SGK1: variants seen among roughly 807,000 people sequenced by gnomAD.
SGK1 encodes the protein serine/threonine-protein kinase Sgk1.
Under a neutral mutation model 64.2 loss-of-function variants are expected in SGK1, and 26 were observed. That is an observed-to-expected ratio of 0.40 (90% CI 0.30 to 0.56). The LOEUF is 0.56. SGK1 is among the 20% of genes least tolerant of loss of function. SGK1 has a pLI of 0.38. For missense variants in SGK1, 519 were observed against 645.6 expected (o/e 0.80, Z 2.12); for synonymous variants, 265 against 239.7 (o/e 1.11, Z -0.98).
chr6:134,297,410 G>T, intron 1 of SGK1: 1 of 729,344 alleles, frequency 1.4e-6, no homozygotes, highest in Non-Finnish European at 2.5e-6. Context: ...CATGCTGCTC[G>T]GCATCTGCGA....
At chr6:134,296,043 A>G (rs75391860) in intron 1 of SGK1, among the ~76,000 whole-genome samples, 1,603 of 152,364 alleles carry the variant, frequency 0.011, 14 homozygotes, top group Non-Finnish European at 0.018. Flanking sequence ...TGCTCAGCGA[A>G]AAACCACAGT....
At chr6:134,295,897 A>G (rs1777340828) in intron 1 of SGK1, among the ~76,000 whole-genome samples, 1 of 152,246 alleles carries the variant, frequency 6.6e-6, no homozygotes, top group African/African-American at 2.4e-5. Flanking sequence ...GTGGGAACCC[A>G]TGGCAATTTA....
In SGK1 at chr6:134,317,886, T is replaced by G. The variant is rs1777712142; in HGVS notation, c.-426A>C. The stretch of plus-strand genomic sequence containing the variant: ...CAGGTGATGCGCTCCTGGAGGCGGC[T>G]TGAGAGAGGAGAGTTGTTTTTGATT... On this transcript the variant is annotated 5_prime_UTR_variant, in exon 1 of 14. Transcript: ENST00000367858. 5.9e-6 allele frequency: 1 copy of G among 169,262 alleles called. No individual in the cohort carries two copies. Among genetic ancestry groups the G allele is most frequent in the African/African-American group, 2.4e-5 (1 of 41,934 alleles). 10.5% of individuals were successfully genotyped at this position (169,262 alleles called of 1,614,324 possible). A position where few individuals can be genotyped will look rare whatever the true frequency, so the allele number is the denominator to read the frequency against.
chr6:134,186,255 A>C (rs968139136), intron 3 of SGK1, among the ~76,000 whole-genome samples: 10 of 152,238 alleles, frequency 6.6e-5, no homozygotes, highest in African/African-American at 2.2e-4. Context: ...TGTACAACAG[A>C]AAACATACCA....
intron 3 of SGK1, chr6:134,180,423 G>A (rs994310144): frequency 3.3e-5 from 5 of 152,186 alleles, no homozygotes; most frequent in African/African-American, 1.2e-4. Context: ...GGAATTGTAT[G>A]TATGTGACAA....
intron 2 of SGK1, among the ~76,000 whole-genome samples, chr6:134,257,541 A>C (rs1776703834): frequency 6.6e-6 from 1 of 152,160 alleles, no homozygotes; most frequent in Non-Finnish European, 1.5e-5. Flanking sequence ...TAGAATACAG[A>C]GTTTAATTTT....
chr6:134,246,130 G>A (rs1318019916), intron 2 of SGK1, among the ~76,000 whole-genome samples: 3 of 151,846 alleles, frequency 2.0e-5, no homozygotes, highest in Non-Finnish European at 2.9e-5. Flanking sequence ...CTTCATGGTT[G>A]AGGCTTGTTT....
At chr6:134,200,026 G>A (rs1229111108) in intron 3 of SGK1, among the ~76,000 whole-genome samples, 1 of 152,100 alleles carries the variant, frequency 6.6e-6, no homozygotes, top group Non-Finnish European at 1.5e-5. Context: ...CATTTTGAAA[G>A]TATGAAGAAA....
chr6:134,266,856 T>C (rs1256944291), intron 1 of SGK1, among the ~76,000 whole-genome samples: 1 of 152,214 alleles, frequency 6.6e-6, no homozygotes, highest in Admixed American at 6.5e-5. Context: ...TCAATTTCAT[T>C]AGAGATGGAT....
intron 2 of SGK1, among the ~76,000 whole-genome samples, chr6:134,241,048 CTTT>C (rs10686058): frequency 5.4e-5 from 4 of 74,076 alleles, no homozygotes; most frequent in African/African-American, 1.4e-4. Flanking sequence ...TTCTTTTTTT[CTTT>C]TTTTTTTTTT....
At chr6:134,252,454 T>A (rs1776619231) in intron 2 of SGK1, among the ~76,000 whole-genome samples, 1 of 151,784 alleles carries the variant, frequency 6.6e-6, no homozygotes, top group Admixed American at 6.6e-5. Flanking sequence ...TTTGGGAGAG[T>A]GTGCTGATTT....
chr6:134,221,403 C>T (rs1477803168), intron 2 of SGK1, among the ~76,000 whole-genome samples: 5 of 152,200 alleles, frequency 3.3e-5, no homozygotes, highest in Non-Finnish European at 5.9e-5. Context: ...GTTGTACTCA[C>T]TGAGCCCTCA....
At chr6:134,286,660 G>A (rs1777189037) in intron 1 of SGK1, among the ~76,000 whole-genome samples, 1 of 151,830 alleles carries the variant, frequency 6.6e-6, no homozygotes, top group Non-Finnish European at 1.5e-5. Context: ...GTAGAGACGG[G>A]GCTTCCCCGT....
chr6:134,309,330 G>A (rs766191528), intron 1 of SGK1, among the ~76,000 whole-genome samples: 3 of 152,268 alleles, frequency 2.0e-5, no homozygotes, highest in South Asian at 2.1e-4. Context: ...ACGCAGCACC[G>A]AACTTGCCTT....
Position 134,272,906 on chromosome 6 carries a change from AT to A in SGK1, c.70-10759del, listed in dbSNP as rs1315058056. On this transcript the variant is annotated intron_variant, in intron 1 of 13. Transcript: ENST00000367858. Reference sequence around the variant, plus strand: ...ACTTCATTTGCATATACTCTGCAGCATTTAAAAGCTTTCACAAAGGTTCAAC... The same window carrying A: ...ACTTCATTTGCATATACTCTGCAGCATTAAAAGCTTTCACAAAGGTTCAAC... Among the ~76,000 whole-genome samples, 2 of 148,294 alleles carry A rather than the reference AT, an allele frequency of 1.3e-5. 1 individual carries two copies. The highest frequency in any genetic ancestry group is 3.0e-5 in the Non-Finnish European group (2 of 66,830).
intron 3 of SGK1, among the ~76,000 whole-genome samples, chr6:134,178,526 T>A (rs1218813267): frequency 1.3e-5 from 2 of 152,248 alleles, no homozygotes; most frequent in African/African-American, 4.8e-5. Context: ...TCTTCCTTCC[T>A]GTCGCCAGCC....
At chr6:134,307,174 G>A (rs9389157) in intron 1 of SGK1, among the ~76,000 whole-genome samples, 1 of 152,200 alleles carries the variant, frequency 6.6e-6, no homozygotes, top group Admixed American at 6.5e-5. Context: ...CTTTGCACCA[G>A]ATGAATAATA....
chr6:134,229,156 A>G (rs964174614), intron 2 of SGK1, among the ~76,000 whole-genome samples: 9 of 152,266 alleles, frequency 5.9e-5, no homozygotes, highest in African/African-American at 2.2e-4. Context: ...TTCTTGCTAC[A>G]AATTACTGGG....
At chr6:134,217,789 G>A (rs1016064065) in intron 2 of SGK1, among the ~76,000 whole-genome samples, 1 of 152,082 alleles carries the variant, frequency 6.6e-6, no homozygotes, top group Non-Finnish European at 1.5e-5. Context: ...ATAACATGAG[G>A]CCTAGGAACA....
Sources: gnomAD v4.1 joint callset for allele counts (sites outside exome capture counted in the v4.1 genomes callset) on GRCh38, gnomAD v4.1.1 for gene constraint, MANE v1.5 for transcripts, NCBI Gene and HGNC (gene_info 2026-07-23, HGNC 2026-07-21) for gene names.